Variants in HECTD3 observed in about 807,000 individuals in gnomAD.
The protein encoded by HECTD3 is E3 ubiquitin-protein ligase HECTD3.
Under a neutral mutation model 109.3 loss-of-function variants are expected in HECTD3, and 72 were observed. The observed-to-expected ratio is 0.66, with a 90% CI of 0.54 to 0.80. HECTD3 has a LOEUF of 0.80. Ranked by LOEUF, HECTD3 falls within the 30% of genes least tolerant of loss-of-function variation. HECTD3 has a pLI of 0.00. For synonymous variants in HECTD3, 481 were observed against 471.8 expected, an observed-to-expected ratio of 1.02 and a Z score of -0.25; for missense variants, 1,041 against 1,165.2, an observed-to-expected ratio of 0.89 and a Z score of 1.55.
chr1:45,009,743 G>A (rs1644768041), intron 4 of HECTD3, 60 bp from the exon 5 acceptor site: 8 of 1,361,590 alleles, frequency 5.9e-6, no homozygotes, highest in Non-Finnish European at 8.3e-6. Flanking sequence ...CTGGGCTTGT[G>A]CTCTGGGCCA....
In HECTD3 at chr1:45,006,030, C is replaced by T. The variant is rs1644732134; in HGVS notation, c.1812G>A (p.Leu604=). The T allele has an allele frequency of 6.2e-7, 1 of 1,614,082 alleles. No homozygotes were observed. Among genetic ancestry groups the T allele is most frequent in the African/African-American group, 1.3e-5 (1 of 74,918 alleles). ...CCTTACCCCGAAGGGCAGCCCCCAT[C>T]AGCTGTCCGATCCATTCATACTTGG... The part of the protein sequence containing the change: ...DFAKYEWIGQ[L]MGAALRGKEF... The change falls in exon 14 of 21, where the codon CTG becomes CTA. Residue 604 remains leucine, a synonymous_variant. Transcript: ENST00000372172. This position sits in a 1 kb window ranked among gnomAD's most constrained non-coding sequence, Gnocchi z 4.7.
chr1:45,005,709 G>C (rs1644729633), intron 15 of HECTD3, 85 bp downstream of exon 15: 1 of 1,076,954 alleles, frequency 9.3e-7, no homozygotes, highest in Non-Finnish European at 1.4e-6. Flanking sequence ...TGTGTGTGGT[G>C]AAAGAACAAG....
In HECTD3 at chr1:45,004,574, C is replaced by T. The variant is rs1405616545; in HGVS notation, c.2142+26G>A. 5 of 1,613,104 alleles carry T rather than the reference C, an allele frequency of 3.1e-6. No individual in the cohort carries two copies. In the Admixed American group the frequency reaches 8.3e-5, roughly 27 times the overall value. Reference sequence around the variant, plus strand: ...GGGGCTCAGGAGGGGCCAAAGCTCTCTGCTCTACTAGCCTCTGGGTACTAC... The same window carrying T: ...GGGGCTCAGGAGGGGCCAAAGCTCTTTGCTCTACTAGCCTCTGGGTACTAC... On this transcript the variant is annotated intron_variant, in intron 16 of 20. Transcript: ENST00000372172.
In HECTD3 at chr1:45,005,863, A is replaced by G. The variant is rs530883262; in HGVS notation, c.1866T>C (p.Phe622=). The G allele has an allele frequency of 6.2e-7, 1 of 1,608,842 alleles. No homozygotes were observed. The highest frequency in any genetic ancestry group is 1.1e-5 in the South Asian group (1 of 90,084). ...KEFLVLALPG[F]VWKQLSGEEV... ...CCTCACCAGAAAGCTGCTTCCACAC[A>G]AAACCAGGCAGGGCCAGGACCTGTG... is the stretch of plus-strand genomic sequence containing the variant. Residue 622 remains phenylalanine, a synonymous_variant, in exon 15 of 21, where the codon TTT becomes TTC. Coordinates refer to ENST00000372172, the MANE Select transcript of HECTD3 (RefSeq NM_024602.6).
At chr1:45,009,107 C>G (rs369358551) in intron 7 of HECTD3, 37 bp downstream of exon 7, 9 of 1,534,530 alleles carry the variant, frequency 5.9e-6, no homozygotes, top group Non-Finnish European at 8.1e-6. Flanking sequence ...ATCTCCACGC[C>G]GGGCTCTCTT....
At chr1:45,005,353 A>C (rs1389454779) in intron 15 of HECTD3, 1 of 200,136 alleles carries the variant, frequency 5.0e-6, no homozygotes, top group East Asian at 1.3e-4. Flanking sequence ...TCAACCAGGC[A>C]GGGAGACAGT....
intron 7 of HECTD3, 56 bp from the exon 8 acceptor site, chr1:45,008,757 T>C: frequency 6.4e-7 from 1 of 1,552,198 alleles, no homozygotes; most frequent in Non-Finnish European, 8.8e-7. Flanking sequence ...TCCTTGGCCC[T>C]CAGACCTGGG....
chr1:45,010,182 C>G lies in HECTD3; in HGVS notation c.623+19G>C. ...AGACGCAGAGCTCCTTCCTCCCCAC[C>G]CCATTCCAGCTCACTCACAGTAGCC... On this transcript the variant is annotated intron_variant, in intron 3 of 20. Coordinates refer to ENST00000372172, the MANE Select transcript of HECTD3 (RefSeq NM_024602.6). The G allele has an allele frequency of 6.2e-7, 1 of 1,613,964 alleles. No homozygotes were observed. Among genetic ancestry groups the G allele is most frequent in the Non-Finnish European group, 8.5e-7 (1 of 1,180,000 alleles).
rs551762113 is a variant in HECTD3, at chr1:45,006,211, C to T, written c.1726-95G>A. On this transcript the variant is annotated intron_variant, in intron 13 of 20. Coordinates refer to ENST00000372172, the MANE Select transcript of HECTD3 (RefSeq NM_024602.6). This position sits in a 1 kb window ranked among gnomAD's most constrained non-coding sequence, Gnocchi z 4.7. ...GAACATTTTCCACTGGGAACATTTT[C>T]CACTAAATGATCCCTTCAAATGCAC... The T allele has an allele frequency of 1.6e-5, 24 of 1,497,314 alleles. No individual in the cohort carries two copies. In the South Asian group the frequency reaches 2.9e-4, roughly 18 times the overall value. The allele number at this position is 1,497,314 out of a possible 1,614,324, so 92.8% of individuals were successfully genotyped here.
chr1:45,007,366 T>C (rs1389508426), intron 10 of HECTD3, 47 bp downstream of exon 10: 1 of 1,609,278 alleles, frequency 6.2e-7, no homozygotes, highest in Admixed American at 1.7e-5. Flanking sequence ...CTAGCCCCCT[T>C]GGCCCTTGAC....
At chr1:45,009,110 GCT>G (rs1644760687) in intron 7 of HECTD3, 32 bp downstream of exon 7, 18 of 1,546,654 alleles carry the variant, frequency 1.2e-5, no homozygotes, top group Non-Finnish European at 1.5e-5. Flanking sequence ...TCCACGCCGG[GCT>G]CTCTTTCCCT....
At position 45,003,337 on chromosome 1, in the gene HECTD3, T is replaced by C. The variant is rs955413120; in HGVS notation, c.*155A>G. On this transcript the variant is annotated 3_prime_UTR_variant, in exon 21 of 21. Coordinates refer to ENST00000372172, the MANE Select transcript of HECTD3 (RefSeq NM_024602.6). The surrounding 1 kb of genome is among the most constrained non-coding windows in gnomAD (Gnocchi z 4.7). ...CTGGGCCACTAGTGTTACCTGACCA[T>C]GCCAGCTGCCCCTACCCCAACTGCA... is the stretch of plus-strand genomic sequence containing the variant. The C allele has an allele frequency of 8.3e-5, 55 of 659,246 alleles. No individual in the cohort carries two copies. In the African/African-American group the frequency reaches 8.9e-4, roughly 11 times the overall value. The allele number at this position is 659,246 out of a possible 1,614,324, so 40.8% of individuals were successfully genotyped here.
chr1:45,007,143 TGTGTGTG>T, intron 11 of HECTD3, 69 bp downstream of exon 11: 1 of 1,439,100 alleles, frequency 6.9e-7, no homozygotes, highest in South Asian at 1.2e-5. Context: ...TGTGTGTGTG[TGTGTGTG>T]TGTGTGTTTG....
At chr1:45,007,978 C>T (rs576594276) in intron 9 of HECTD3, among the ~76,000 whole-genome samples, 46 of 152,314 alleles carry the variant, frequency 3.0e-4, no homozygotes, top group Admixed American at 2.3e-3. Context: ...TGGTAACTCC[C>T]TGTATGTACC....
Position 45,003,749 on chromosome 1 carries a change from A to G in HECTD3, c.2430-9T>C. 6.2e-7 allele frequency: 1 copy of G among 1,613,938 alleles called. No homozygotes were observed. Among genetic ancestry groups the G allele is most frequent in the Non-Finnish European group, 8.5e-7 (1 of 1,179,946 alleles). On this transcript the variant is annotated splice_polypyrimidine_tract_variant and intron_variant, in intron 19 of 20. Transcript: ENST00000372172. The surrounding 1 kb of genome is among the most constrained non-coding windows in gnomAD (Gnocchi z 4.7). ...CGTCTGTGGTCTCGTAGCTGGGGGC[A>G]TTGAGGGACCATAGGTCAGGAAGAT...
chr1:45,011,320 C>T lies in HECTD3; in HGVS notation c.-63G>A. 4.5e-6 allele frequency: 6 copies of T among 1,348,302 alleles called. No individual in the cohort carries two copies. The highest frequency in any genetic ancestry group is 5.7e-6 in the Non-Finnish European group (6 of 1,054,902). The allele number at this position is 1,348,302 out of a possible 1,614,324, so 83.5% of individuals were successfully genotyped here. ...GCCCGGGGAACAGCTGGCGCGACCG[C>T]GGACAGAGCTTCCCACCACGCCCTT... On this transcript the variant is annotated 5_prime_UTR_variant, in exon 1 of 21. Transcript: ENST00000372172.
rs535592897 is a variant in HECTD3, at chr1:45,009,722, C to G, written c.760-39G>C. On this transcript the variant is annotated intron_variant, in intron 4 of 20. Transcript: ENST00000372172. Reference sequence around the variant, plus strand: ...GAGACGTGAAGTCAGCAGTTACCCTCCCTCCCTGCACTGGGCTTGTGCTCT... The same window carrying G: ...GAGACGTGAAGTCAGCAGTTACCCTGCCTCCCTGCACTGGGCTTGTGCTCT... 2.2e-5 allele frequency: 32 copies of G among 1,484,054 alleles called. No homozygotes were observed. In the South Asian group the frequency reaches 3.7e-4, roughly 17 times the overall value. The allele number at this position is 1,484,054 out of a possible 1,614,324, so 91.9% of individuals were successfully genotyped here.
chr1:45,006,933 C>T lies in HECTD3; in HGVS notation c.1621+18G>A. 6.2e-7 allele frequency: 1 copy of T among 1,613,294 alleles called. No homozygotes were observed. The highest frequency in any genetic ancestry group is 8.5e-7 in the Non-Finnish European group (1 of 1,179,252). On this transcript the variant is annotated intron_variant, in intron 12 of 20. Coordinates refer to ENST00000372172, the MANE Select transcript of HECTD3 (RefSeq NM_024602.6). The surrounding 1 kb of genome is among the most constrained non-coding windows in gnomAD (Gnocchi z 4.7). ...GGGCAGCAAGCAGGACCCTTGAGAT[C>T]CTCCCTCAGGGCCTCACCTTGGTCA...
rs750230915 is a variant in HECTD3, at chr1:45,010,054, C to T, written c.691G>A (p.Gly231Ser). The change falls in exon 4 of 21, where the codon GGC becomes AGC. Residue 231 changes from glycine to serine, a missense_variant. Around this residue, in one of 2 missense-constraint regions of HECTD3, gnomAD observed 472 missense variants for 449.9 expected, o/e 1.05. Transcript: ENST00000372172. ...DLIHFLYDHLGKEDENLGSVK... is the reference protein window; with the variant it reads ...DLIHFLYDHLSKEDENLGSVK... ...CTACCCAGGTTCTCATCCTCCTTGC[C>T]CAGGTGGTCATACAAGAAGTGGATC... 1 of 1,570,138 alleles carries T rather than the reference C, an allele frequency of 6.4e-7. No individual in the cohort carries two copies. Among genetic ancestry groups the T allele is most frequent in the African/African-American group, 1.3e-5 (1 of 74,180 alleles).
Sources: allele counts gnomAD v4.1 joint callset (sites outside exome capture counted in the v4.1 genomes callset), GRCh38; gene constraint gnomAD v4.1.1; regional missense constraint gnomAD v4.1.1; non-coding constraint Gnocchi (gnomAD v3.1); transcripts MANE v1.5; gene names NCBI Gene and HGNC (gene_info 2026-07-23, HGNC 2026-07-21).